ZNF407: variants seen among roughly 807,000 people sequenced by gnomAD.
ZNF407 encodes zinc finger protein 407.
A neutral mutation model predicts 131.2 loss-of-function variants in ZNF407; 17 were observed. That is an observed-to-expected ratio of 0.13 (90% CI 0.09 to 0.19). The LOEUF (loss-of-function observed/expected upper bound fraction) is 0.19, where lower values mean the gene tolerates loss of function less well. Among genes scored for constraint, ZNF407 ranks in the 10% least tolerant of loss-of-function variants. The pLI is 1.00. For missense variants in ZNF407, 2,681 were observed against 2,830.6 expected, an observed-to-expected ratio of 0.95 and a Z score of 1.20; for synonymous variants, 1,156 against 1,062.0, an observed-to-expected ratio of 1.09 and a Z score of -1.72.
intron 3 of ZNF407, among the ~76,000 whole-genome samples, chr18:74,728,610 C>T (rs911752548): frequency 6.6e-6 from 1 of 152,146 alleles, no homozygotes; most frequent in African/African-American, 2.4e-5. Context: ...GGGCCACCTA[C>T]CTCCACCGAG....
chr18:74,644,283 C>T (rs531111602), intron 3 of ZNF407, among the ~76,000 whole-genome samples: 2 of 147,784 alleles, frequency 1.4e-5, no homozygotes, highest in Admixed American at 1.4e-4. Context: ...TATATTTAGG[C>T]ACTTGATGGA....
At chr18:74,830,474 A>G (rs886331257) in intron 4 of ZNF407, among the ~76,000 whole-genome samples, 1 of 152,024 alleles carries the variant, frequency 6.6e-6, no homozygotes, top group African/African-American at 2.4e-5. Context: ...TTTTTTGTCA[A>G]TATGGGGTTT....
intron 1 of ZNF407, among the ~76,000 whole-genome samples, chr18:74,612,371 T>TGTGCA (rs1983100616): frequency 6.6e-6 from 1 of 152,212 alleles, no homozygotes; most frequent in Admixed American, 6.5e-5. Context: ...AGGATTTTGT[T>TGTGCA]ATATTTTGCA....
rs11338662 is a variant in ZNF407, at chr18:74,657,082, G to GT, written c.4802+15977dup. On this transcript the variant is annotated intron_variant, in intron 3 of 8. Coordinates refer to ENST00000299687, the MANE Select transcript of ZNF407 (RefSeq NM_017757.3). ...GTAATTCCAGCCAAGTGTTGAACTA[G>GT]TTTTTTTTTTTTTTTTTAATTTAAG... Among the ~76,000 whole-genome samples, 193 of 134,626 alleles carry GT rather than the reference G, an allele frequency of 1.4e-3. 1 individual carries two copies. Among genetic ancestry groups the GT allele is most frequent in the Admixed American group, 2.0e-3 (27 of 13,630 alleles). The allele number at this position is 134,626 out of a possible 152,430, so 88.3% of individuals were successfully genotyped here.
rs140627797 is a variant in ZNF407, at chr18:74,636,745, C to A, written c.4687+1039C>A. ...TTTTTCACTGAAGGAAGTAATGGGG[C>A]AACCTGCATAAGATTAATGTAAATA... On this transcript the variant is annotated intron_variant, in intron 2 of 8. Coordinates refer to ENST00000299687, the MANE Select transcript of ZNF407 (RefSeq NM_017757.3). Among the ~76,000 whole-genome samples, 1,360 of 152,292 alleles carry A rather than the reference C, an allele frequency of 8.9e-3. 7 individuals carry two copies. The highest frequency in any genetic ancestry group is 0.034 in the Middle Eastern group (10 of 294).
chr18:74,870,254 T>C (rs1971068381), intron 4 of ZNF407, among the ~76,000 whole-genome samples: 1 of 152,200 alleles, frequency 6.6e-6, no homozygotes, highest in Non-Finnish European at 1.5e-5. Context: ...TTAAGAGGTA[T>C]AAAAATGACA....
intron 8 of ZNF407, among the ~76,000 whole-genome samples, chr18:75,019,744 G>A (rs561066815): frequency 9.9e-4 from 150 of 152,272 alleles, no homozygotes; most frequent in Non-Finnish European, 1.7e-3. Flanking sequence ...AGGCTGCACA[G>A]GAGGCATGGC....
At chr18:74,761,163 G>A (rs1304503289) in intron 3 of ZNF407, among the ~76,000 whole-genome samples, 1 of 151,810 alleles carries the variant, frequency 6.6e-6, no homozygotes, top group African/African-American at 2.4e-5. Context: ...ATTTATTGGA[G>A]TACTATATTG....
chr18:74,976,369 T>G (rs920559092), intron 8 of ZNF407, among the ~76,000 whole-genome samples: 2 of 152,236 alleles, frequency 1.3e-5, no homozygotes, highest in Non-Finnish European at 2.9e-5. Context: ...AGCAGTGATG[T>G]TTGCTTCTAT....
chr18:74,954,519 A>G (rs1025852398), intron 8 of ZNF407, among the ~76,000 whole-genome samples: 1 of 152,214 alleles, frequency 6.6e-6, no homozygotes, highest in Non-Finnish European at 1.5e-5. Context: ...TCCTTTAAGA[A>G]AGACTGGCAT....
intron 3 of ZNF407, among the ~76,000 whole-genome samples, chr18:74,768,781 G>A (rs186953248): frequency 1.8e-4 from 28 of 152,098 alleles, no homozygotes; most frequent in East Asian, 1.7e-3. Context: ...TCAATAATCC[G>A]CATTAAACAT....
intron 8 of ZNF407, among the ~76,000 whole-genome samples, chr18:74,991,446 A>G (rs895696838): frequency 6.6e-6 from 1 of 152,178 alleles, no homozygotes; most frequent in African/African-American, 2.4e-5. Context: ...CAATTAGGCC[A>G]TTTTCTTTCT....
chr18:75,007,438 A>G (rs1301935251), intron 8 of ZNF407, among the ~76,000 whole-genome samples: 1 of 152,178 alleles, frequency 6.6e-6, no homozygotes, highest in Admixed American at 6.5e-5. Flanking sequence ...GCCTTAGTCT[A>G]GTCCTCACGA....
intron 3 of ZNF407, among the ~76,000 whole-genome samples, chr18:74,750,186 G>A (rs1246650255): frequency 2.0e-5 from 3 of 152,068 alleles, no homozygotes; most frequent in Non-Finnish European, 2.9e-5. Flanking sequence ...TTCTTTGAGA[G>A]TATCCTGAAT....
intron 3 of ZNF407, among the ~76,000 whole-genome samples, chr18:74,653,536 A>G (rs371601897): frequency 1.3e-4 from 19 of 151,860 alleles, no homozygotes; most frequent in African/African-American, 3.9e-4. Flanking sequence ...AGTTGAATCT[A>G]TTTTTGACTC....
chr18:74,630,831 A>C, intron 1 of ZNF407, 136 bp from the exon 2 acceptor site: 2 of 561,426 alleles, frequency 3.6e-6, no homozygotes, highest in Non-Finnish European at 5.7e-6. Context: ...AAAAGACTTT[A>C]GACATGTAAT....
chr18:74,636,523 A>G (rs1282414977), intron 2 of ZNF407, among the ~76,000 whole-genome samples: 1 of 152,236 alleles, frequency 6.6e-6, no homozygotes, highest in Non-Finnish European at 1.5e-5. Context: ...GATTTGAATA[A>G]TAAATTCACA....
Position 75,065,387 on chromosome 18 carries a change from C to G in ZNF407, c.*919C>G, listed in dbSNP as rs1346246393. 6.6e-6 allele frequency: 1 copy of G among 152,200 alleles called. No homozygotes were observed. Among genetic ancestry groups the G allele is most frequent in the African/African-American group, 2.4e-5 (1 of 41,454 alleles). 9.4% of individuals were successfully genotyped at this position (152,200 alleles called of 1,614,324 possible). The stretch of plus-strand genomic sequence containing the variant: ...TCCATATGAAAATGCTGACATTAAA[C>G]ATTAACACATGGAGACCGTGCCCTG... On this transcript the variant is annotated 3_prime_UTR_variant, in exon 9 of 9. Transcript: ENST00000299687.
At chr18:74,863,766 G>T (rs1970971060) in intron 4 of ZNF407, among the ~76,000 whole-genome samples, 1 of 152,084 alleles carries the variant, frequency 6.6e-6, no homozygotes, top group African/African-American at 2.4e-5. Context: ...TAATAATTGA[G>T]CACCTACTGT....
Sources: gnomAD v4.1 joint callset for allele counts (sites outside exome capture counted in the v4.1 genomes callset) on GRCh38, gnomAD v4.1.1 for gene constraint, MANE v1.5 for transcripts, NCBI Gene and HGNC (gene_info 2026-07-23, HGNC 2026-07-21) for gene names.